The following NCAM2 variants were observed in gnomAD, a reference collection of about 807,000 sequenced individuals.
The protein encoded by NCAM2 is neural cell adhesion molecule 2.
In NCAM2, 30 loss-of-function variants were observed where a neutral mutation model predicts 98.1. The ratio of observed to expected loss-of-function variants is 0.31; its 90% CI spans 0.23 to 0.41. The LOEUF (loss-of-function observed/expected upper bound fraction) is 0.41. Ranked by LOEUF, NCAM2 falls within the 10% of genes least tolerant of loss-of-function variation. NCAM2 has a pLI of 1.00. For missense variants in NCAM2, 867 were observed against 1,005.8 expected (o/e 0.86, Z 1.87); for synonymous variants, 368 against 342.4 (o/e 1.07, Z -0.83).
At chr21:21,024,334 TC>T (rs987672625) in intron 1 of NCAM2, among the ~76,000 whole-genome samples, 1 of 152,180 alleles carries the variant, frequency 6.6e-6, no homozygotes, top group African/African-American at 2.4e-5. Flanking sequence ...CATGCAGTTT[TC>T]CCCTGGAACA....
chr21:21,163,743 T>C (rs542561049), intron 1 of NCAM2, among the ~76,000 whole-genome samples: 6 of 152,280 alleles, frequency 3.9e-5, no homozygotes, highest in East Asian at 1.9e-4. Flanking sequence ...ATTACTAAAA[T>C]GTTAAAAGAG....
At chr21:21,091,272 A>G (rs2066007020) in intron 1 of NCAM2, among the ~76,000 whole-genome samples, 1 of 152,122 alleles carries the variant, frequency 6.6e-6, no homozygotes, top group African/African-American at 2.4e-5. Context: ...GCTGTAGCTT[A>G]TTATTACAGT....
At chr21:21,501,169 A>C (rs1161196251) in intron 15 of NCAM2, among the ~76,000 whole-genome samples, 1 of 152,050 alleles carries the variant, frequency 6.6e-6, no homozygotes, top group African/African-American at 2.4e-5. Context: ...AATTTAATAT[A>C]ATATCCAGGT....
chr21:21,438,573 T>C (rs1978744509), intron 12 of NCAM2, among the ~76,000 whole-genome samples: 1 of 152,118 alleles, frequency 6.6e-6, no homozygotes, highest in South Asian at 2.1e-4. Flanking sequence ...AGAATGTGAG[T>C]CAGTGTGACT....
rs140284533 is a variant in NCAM2, at chr21:21,255,619, C to T, written c.56-24959C>T. ...CACTAACCAATTCCTAATATATAATCGACTTCTCATATTTCTTTGTCTCCC... is the reference window on the plus strand; with the variant it reads ...CACTAACCAATTCCTAATATATAATTGACTTCTCATATTTCTTTGTCTCCC... On this transcript the variant is annotated intron_variant, in intron 1 of 17. Transcript: ENST00000400546. Among the ~76,000 whole-genome samples the T allele has an allele frequency of 9.0e-3, 1,374 of 152,272 alleles. 10 individuals are homozygous for T. The highest frequency in any genetic ancestry group is 0.024 in the Middle Eastern group (7 of 294).
At chr21:21,078,930 C>G (rs746041856) in intron 1 of NCAM2, among the ~76,000 whole-genome samples, 20 of 152,232 alleles carry the variant, frequency 1.3e-4, no homozygotes, top group Non-Finnish European at 2.5e-4. Context: ...CAAACTAACA[C>G]AGAAACAGAA....
intron 9 of NCAM2, among the ~76,000 whole-genome samples, chr21:21,376,527 A>G (rs747983624): frequency 2.6e-5 from 4 of 152,010 alleles, no homozygotes; most frequent in East Asian, 1.9e-4. Context: ...ATGCTAATAC[A>G]TAATTACATG....
chr21:21,324,865 C>T (rs1054813598), intron 6 of NCAM2, among the ~76,000 whole-genome samples: 5 of 151,904 alleles, frequency 3.3e-5, no homozygotes, highest in African/African-American at 1.2e-4. Flanking sequence ...CATATGTATA[C>T]AATATCATAT....
intron 9 of NCAM2, among the ~76,000 whole-genome samples, chr21:21,396,356 A>G (rs1156640239): frequency 4.6e-5 from 7 of 152,168 alleles, no homozygotes; most frequent in African/African-American, 1.4e-4. Context: ...TAAAAATACA[A>G]TAGTGTTAGC....
At chr21:21,293,863 G>A (rs1474263056) in intron 5 of NCAM2, among the ~76,000 whole-genome samples, 2 of 151,256 alleles carry the variant, frequency 1.3e-5, no homozygotes, top group Non-Finnish European at 3.0e-5. Context: ...TTATGAAAAA[G>A]GGAATTATAA....
intron 8 of NCAM2, among the ~76,000 whole-genome samples, chr21:21,348,369 T>G (rs2075244537): frequency 6.6e-6 from 1 of 152,052 alleles, no homozygotes; most frequent in Admixed American, 6.6e-5. Flanking sequence ...CACATGAAAT[T>G]AAATACCTAG....
chr21:21,114,256 A>C (rs2251296), intron 1 of NCAM2, among the ~76,000 whole-genome samples: 90,704 of 151,988 alleles, frequency 0.6, 27,759 homozygotes, highest in East Asian at 0.83. Context: ...AGGCATATGC[A>C]AATCTAAAAG....
chr21:21,297,140 A>G (rs188957673), intron 5 of NCAM2, among the ~76,000 whole-genome samples: 12 of 151,792 alleles, frequency 7.9e-5, no homozygotes, highest in Non-Finnish European at 1.3e-4. Context: ...TTAGGACAAT[A>G]TTAAGGAATA....
chr21:21,115,142 G>A (rs2066528593), intron 1 of NCAM2, among the ~76,000 whole-genome samples: 2 of 152,058 alleles, frequency 1.3e-5, no homozygotes, highest in South Asian at 4.2e-4. Flanking sequence ...ATTTAAAGAT[G>A]CAATTTTCCT....
intron 1 of NCAM2, among the ~76,000 whole-genome samples, chr21:21,124,146 C>G (rs1401341484): frequency 6.6e-6 from 1 of 152,064 alleles, no homozygotes; most frequent in Non-Finnish European, 1.5e-5. Flanking sequence ...CGCGCCCGTC[C>G]TGATTGCTTT....
intron 15 of NCAM2, among the ~76,000 whole-genome samples, chr21:21,494,098 A>G (rs1213078295): frequency 6.6e-6 from 1 of 151,946 alleles, no homozygotes; most frequent in Admixed American, 6.6e-5. Flanking sequence ...ATTCCAAGAA[A>G]AATAATAATA....
intron 9 of NCAM2, among the ~76,000 whole-genome samples, chr21:21,409,978 A>C (rs1346327254): frequency 6.6e-6 from 1 of 152,076 alleles, no homozygotes; most frequent in Non-Finnish European, 1.5e-5. Context: ...CTAAAAATAC[A>C]AAAGATTAGC....
rs118086638 is a variant in NCAM2, at chr21:21,137,268, C to T, written c.55+138650C>T. 5.2e-3 allele frequency among the ~76,000 whole-genome samples: 798 copies of T among 152,224 alleles called. 4 individuals are homozygous for T. The highest frequency in any genetic ancestry group is 9.3e-3 in the Non-Finnish European group (630 of 68,020). ...TATACTAAAATATGACTGCTTATGTCAGAATATCATACAAAGTTCTGTTAC... is the reference window on the plus strand; with the variant it reads ...TATACTAAAATATGACTGCTTATGTTAGAATATCATACAAAGTTCTGTTAC... On this transcript the variant is annotated intron_variant, in intron 1 of 17. Coordinates refer to ENST00000400546, the MANE Select transcript of NCAM2 (RefSeq NM_004540.5).
At chr21:21,323,656 C>T (rs150935247) in intron 5 of NCAM2, among the ~76,000 whole-genome samples, 79 of 152,206 alleles carry the variant, frequency 5.2e-4, no homozygotes, top group African/African-American at 1.8e-3. Flanking sequence ...GTAACAGTTT[C>T]AACATGTTCC....
Sources: gnomAD v4.1 joint callset for allele counts (sites outside exome capture counted in the v4.1 genomes callset) on GRCh38, gnomAD v4.1.1 for gene constraint, MANE v1.5 for transcripts, NCBI Gene and HGNC (gene_info 2026-07-23, HGNC 2026-07-21) for gene names.